The following SPEF2 variants were observed in gnomAD, a reference collection of about 807,000 sequenced individuals.
SPEF2 encodes sperm flagella and cilia-associated protein 2.
In SPEF2, 187 loss-of-function variants were observed where a neutral mutation model predicts 224.6. That is an observed-to-expected ratio of 0.83 (90% CI 0.74 to 0.94). The LOEUF is 0.94. SPEF2 is among the 40% of genes least tolerant of loss of function. SPEF2 has a pLI of 0.00. For missense variants in SPEF2, 2,170 were observed against 2,135.6 expected (o/e 1.02, Z -0.32); for synonymous variants, 715 against 707.3 (o/e 1.01, Z -0.17).
intron 21 of SPEF2, 28 bp downstream of exon 21, chr5:35,727,851 G>T (rs751742629): frequency 6.2e-7 from 1 of 1,600,840 alleles, no homozygotes; most frequent in Non-Finnish European, 8.5e-7. Context: ...CAAGCTGGCA[G>T]AATTCATTCT....
At chr5:35,628,703 T>C in intron 2 of SPEF2, 141 bp downstream of exon 2, 1 of 581,006 alleles carries the variant, frequency 1.7e-6, no homozygotes. Flanking sequence ...GCAATCCTCT[T>C]GCCTCGGCTT....
chr5:35,644,408 A>G lies in SPEF2; in HGVS notation c.468A>G (p.Thr156=), dbSNP rs756898259. 4 of 1,610,444 alleles carry G rather than the reference A, an allele frequency of 2.5e-6. No individual in the cohort carries two copies. Among genetic ancestry groups the G allele is most frequent in the Admixed American group, 1.7e-5 (1 of 59,584 alleles). The change falls in exon 4 of 37, where the codon ACA becomes ACG. Residue 156 remains threonine (T), a synonymous_variant. Coordinates refer to ENST00000356031, the MANE Select transcript of SPEF2 (RefSeq NM_024867.4). ...CTGATTTCAATCTGATGCGGATTAC[A>G]TACAGGTTTCAAGAAAAATATAAAC... is the stretch of plus-strand genomic sequence containing the variant. ...RQTDFNLMRI[T]YRFQEKYKHV... is the part of the protein sequence containing the mutation.
chr5:35,639,974 C>T (rs570107313), intron 2 of SPEF2, among the ~76,000 whole-genome samples: 3 of 151,940 alleles, frequency 2.0e-5, no homozygotes, highest in Non-Finnish European at 4.4e-5. Context: ...AGTTCTGTTC[C>T]CCAAATTTGA....
chr5:35,681,926 C>T (rs1175108921), intron 10 of SPEF2, among the ~76,000 whole-genome samples: 4 of 152,172 alleles, frequency 2.6e-5, no homozygotes, highest in Admixed American at 1.3e-4. Context: ...AAAGGACTTC[C>T]TGGACGTCTT....
chr5:35,807,091 T>A lies in SPEF2; in HGVS notation c.5257-40T>A, dbSNP rs550850980. 38 of 1,594,698 alleles carry A rather than the reference T, an allele frequency of 2.4e-5. No homozygotes were observed. The South Asian group carries it at 4.3e-4, about 18-fold the overall frequency. ...ACCATTTTTTTTAACATCTACTGGA[T>A]TGTGAGGTTGATTAACTTCATTTTT... On this transcript the variant is annotated intron_variant, in intron 35 of 36. Transcript: ENST00000356031.
intron 24 of SPEF2, among the ~76,000 whole-genome samples, chr5:35,756,551 G>A (rs2149737040): frequency 6.6e-6 from 1 of 152,306 alleles, no homozygotes; most frequent in South Asian, 2.1e-4. Context: ...TGGAGGCAAT[G>A]AGCTTTTTGT....
chr5:35,744,856 A>G (rs1236056170), intron 23 of SPEF2, among the ~76,000 whole-genome samples: 1 of 152,098 alleles, frequency 6.6e-6, no homozygotes, highest in East Asian at 1.9e-4. Context: ...TTGCACTGTG[A>G]ATTTTAGCTC....
chr5:35,755,797 A>G (rs1750354095), intron 24 of SPEF2, among the ~76,000 whole-genome samples: 1 of 152,104 alleles, frequency 6.6e-6, no homozygotes, highest in Non-Finnish European at 1.5e-5. Context: ...TTTAGTAGAG[A>G]CACGGTTTCA....
intron 1 of SPEF2, among the ~76,000 whole-genome samples, chr5:35,618,696 C>T (rs1743014030): frequency 6.6e-6 from 1 of 152,128 alleles, no homozygotes; most frequent in Non-Finnish European, 1.5e-5. Context: ...TTTCTGGTCA[C>T]TATTGGCTCT....
chr5:35,774,270 C>G (rs1284811825), intron 28 of SPEF2, among the ~76,000 whole-genome samples: 1 of 151,884 alleles, frequency 6.6e-6, no homozygotes, highest in African/African-American at 2.4e-5. Context: ...TCAAAAAGAA[C>G]CAAAAAGAAT....
At chr5:35,754,521 C>G (rs1317667422) in intron 24 of SPEF2, among the ~76,000 whole-genome samples, 2 of 152,190 alleles carry the variant, frequency 1.3e-5, no homozygotes, top group Non-Finnish European at 2.9e-5. Flanking sequence ...TGAAATTAGG[C>G]TCCTAGTCTC....
chr5:35,785,939 G>T (rs1755055692), intron 30 of SPEF2, among the ~76,000 whole-genome samples: 2 of 151,870 alleles, frequency 1.3e-5, no homozygotes, highest in South Asian at 4.2e-4. Flanking sequence ...TTTTCTTCCT[G>T]GAAAGTTCAG....
intron 2 of SPEF2, among the ~76,000 whole-genome samples, chr5:35,637,364 C>T (rs533278026): frequency 8.0e-4 from 122 of 152,286 alleles, no homozygotes; most frequent in African/African-American, 1.3e-3. Flanking sequence ...CTGCCATTTA[C>T]GAAGATGTAC....
At chr5:35,655,600 G>A (rs139492400) in intron 7 of SPEF2, among the ~76,000 whole-genome samples, 145 of 152,318 alleles carry the variant, frequency 9.5e-4, no homozygotes, top group African/African-American at 3.4e-3. Context: ...TAAAGAGTCA[G>A]GAGTTAGCTA....
chr5:35,695,409 G>C (rs1375961066), intron 13 of SPEF2, among the ~76,000 whole-genome samples: 1 of 151,644 alleles, frequency 6.6e-6, no homozygotes, highest in Non-Finnish European at 1.5e-5. Flanking sequence ...TGAAAAACTT[G>C]ACCGTCTTCT....
chr5:35,709,827 T>A (rs1182548000), intron 19 of SPEF2: 1 of 985,410 alleles, frequency 1.0e-6, no homozygotes, highest in Non-Finnish European at 1.2e-6. Flanking sequence ...TATCCATTTG[T>A]GTGTGTATAT....
intron 21 of SPEF2, 105 bp from the exon 22 acceptor site, chr5:35,739,814 T>G: frequency 7.8e-7 from 1 of 1,282,054 alleles, no homozygotes; most frequent in South Asian, 1.4e-5. Context: ...TTTATGTAGT[T>G]GCAGTTGCAT....
Position 35,779,304 on chromosome 5 carries a change from C to A in SPEF2, c.4405C>A (p.Leu1469Ile). The change falls in exon 30 of 37, where the codon CTT becomes ATT. Residue 1469 changes from leucine (L) to isoleucine (I), a missense_variant. Leu to Ile is a conservative substitution (Grantham distance 5). Transcript: ENST00000356031. ...AGATGGTACCCTGACCATTGAACAG[C>A]TTGACAGTCTTCGAGATCAGTTCTT... ...EEDGTLTIEQ[L>I]DSLRDQFLDM... is the part of the protein sequence containing the mutation. 6.2e-7 allele frequency: 1 copy of A among 1,613,142 alleles called. No individual in the cohort carries two copies. The highest frequency in any genetic ancestry group is 8.5e-7 in the Non-Finnish European group (1 of 1,179,632).
At chr5:35,638,217 A>C (rs1746106574) in intron 2 of SPEF2, among the ~76,000 whole-genome samples, 2 of 152,206 alleles carry the variant, frequency 1.3e-5, no homozygotes, top group Non-Finnish European at 2.9e-5. Context: ...AATTCTACAG[A>C]TAAAGACCTT....
Sources: gnomAD v4.1 joint callset for allele counts (sites outside exome capture counted in the v4.1 genomes callset) on GRCh38, gnomAD v4.1.1 for gene constraint, MANE v1.5 for transcripts, NCBI Gene and HGNC (gene_info 2026-07-23, HGNC 2026-07-21) for gene names.